ALK: variants seen among roughly 807,000 people sequenced by gnomAD.
ALK encodes ALK tyrosine kinase receptor.
ALK carries 74 observed loss-of-function variants against 163.1 expected under a neutral mutation model. The observed-to-expected ratio is 0.45, with a 90% confidence interval of 0.38 to 0.55. ALK has a LOEUF of 0.55. Ranked by LOEUF, ALK falls within the 20% of genes least tolerant of loss-of-function variation. ALK has a pLI of 0.00. For synonymous variants in ALK, 960 were observed against 843.2 expected (o/e 1.14, Z -2.40); for missense variants, 2,063 against 2,105.3 (o/e 0.98, Z 0.39).
chr2:29,540,144 G>A (rs4271729), intron 3 of ALK, among the ~76,000 whole-genome samples: 147,772 of 152,234 alleles, frequency 0.97, 71,895 homozygotes, highest in East Asian at 1. Flanking sequence ...ATTTAGATTG[G>A]CTTTATTGAG....
rs528398431 is a variant in ALK, at chr2:29,343,431, T to A, written c.1283-14950A>T. Among the ~76,000 whole-genome samples the A allele has an allele frequency of 9.1e-4, 137 of 151,248 alleles. 1 individual carries two copies. The highest frequency in any genetic ancestry group is 1.8e-3 in the Non-Finnish European group (121 of 67,844). ...GGTCTCCCTATTTTGCCCAGTCTGA[T>A]CTTGAACTCCTGGGCTCAAGCAATC... On this transcript the variant is annotated intron_variant, in intron 5 of 28. Coordinates refer to ENST00000389048, the MANE Select transcript of ALK (RefSeq NM_004304.5).
intron 16 of ALK, among the ~76,000 whole-genome samples, chr2:29,228,652 A>T (rs1408002034): frequency 6.6e-6 from 1 of 151,894 alleles, no homozygotes; most frequent in African/African-American, 2.4e-5. Flanking sequence ...GGACATCAAG[A>T]ATCACATGGG....
At chr2:29,582,510 C>T (rs980013744) in intron 3 of ALK, among the ~76,000 whole-genome samples, 1 of 152,210 alleles carries the variant, frequency 6.6e-6, no homozygotes, top group East Asian at 1.9e-4. Context: ...ATGTCCTGGA[C>T]ATTCTTACTT....
intron 4 of ALK, among the ~76,000 whole-genome samples, chr2:29,435,083 C>T (rs952648669): frequency 6.6e-6 from 1 of 152,106 alleles, no homozygotes; most frequent in Non-Finnish European, 1.5e-5. Flanking sequence ...GCCCTTGGGA[C>T]CTCTCAGTTT....
chr2:29,365,516 A>T (rs1194613181), intron 5 of ALK, among the ~76,000 whole-genome samples: 4 of 152,174 alleles, frequency 2.6e-5, no homozygotes, highest in Non-Finnish European at 1.5e-5. Flanking sequence ...TCTACAGATG[A>T]TGGGGACCTT....
intron 3 of ALK, among the ~76,000 whole-genome samples, chr2:29,673,941 T>C (rs897901110): frequency 4.8e-5 from 7 of 146,210 alleles, no homozygotes; most frequent in African/African-American, 1.8e-4. Context: ...TTTGAAGCAA[T>C]TGTGAATGGG....
intron 1 of ALK, among the ~76,000 whole-genome samples, chr2:29,905,560 A>G (rs187512272): frequency 1.3e-5 from 2 of 151,708 alleles, no homozygotes; most frequent in East Asian, 3.9e-4. Context: ...AGGGAAAAGG[A>G]AAGGGAAAGG....
chr2:29,892,885 C>T (rs1667180301), intron 1 of ALK, among the ~76,000 whole-genome samples: 1 of 152,100 alleles, frequency 6.6e-6, no homozygotes, highest in Admixed American at 6.5e-5. Flanking sequence ...ATCTAAGCAC[C>T]CACTAGTCCA....
rs560633380 is a variant in ALK at position 29,265,421 on chromosome 2, G to C, written c.2041+9678C>G. ...AATGGATTGGCTGGTAGACTGAATG[G>C]TCTAGTTAGTAGGATCACGATCATA... On this transcript the variant is annotated intron_variant, in intron 11 of 28. Transcript: ENST00000389048. 6.6e-5 allele frequency among the ~76,000 whole-genome samples: 10 copies of C among 152,284 alleles called. No individual in the cohort carries two copies. The East Asian group carries it at 1.5e-3, about 24-fold the overall frequency.
In ALK at chr2:29,920,907, T is replaced by G. The variant is rs1369721217; in HGVS notation, c.-248A>C. 1.8e-6 allele frequency: 1 copy of G among 545,426 alleles called. No individual in the cohort carries two copies. The highest frequency in any genetic ancestry group is 1.9e-5 in the African/African-American group (1 of 52,486). The allele number at this position is 545,426 out of a possible 1,614,324, so 33.8% of individuals were successfully genotyped here. On this transcript the variant is annotated 5_prime_UTR_variant, in exon 1 of 29. Coordinates refer to ENST00000389048, the MANE Select transcript of ALK (RefSeq NM_004304.5). The stretch of plus-strand genomic sequence containing the variant: ...AGACACTCAAGCACACTGGGCTCAC[T>G]GGCTGGGACCTTGAGCCTCCCGCTC...
chr2:29,859,785 GA>G (rs1666233264), intron 1 of ALK, among the ~76,000 whole-genome samples: 1 of 152,184 alleles, frequency 6.6e-6, no homozygotes, highest in Admixed American at 6.5e-5. Flanking sequence ...TGAGTTACTG[GA>G]AAGACTTCTT....
rs114188519 is a variant in ALK, at chr2:29,728,495, A to G, written c.668-10798T>C. ...GTGGAAGGCAGCAGACAGCCATCCA[A>G]CAACCTCTCAAGTCCTTTTGACATC... On this transcript the variant is annotated intron_variant, in intron 1 of 28. Transcript: ENST00000389048. Among the ~76,000 whole-genome samples the G allele has an allele frequency of 7.8e-3, 1,186 of 152,326 alleles. 16 individuals are homozygous for G. Among genetic ancestry groups the G allele is most frequent in the African/African-American group, 0.027 (1,141 of 41,576 alleles).
At chr2:29,339,433 C>G (rs953038668) in intron 5 of ALK, among the ~76,000 whole-genome samples, 7 of 152,054 alleles carry the variant, frequency 4.6e-5, no homozygotes, top group Admixed American at 1.3e-4. Context: ...CAGATGGTCA[C>G]AGAGGGTTAT....
chr2:29,545,819 G>T (rs1673537756), intron 3 of ALK, among the ~76,000 whole-genome samples: 1 of 152,168 alleles, frequency 6.6e-6, no homozygotes, highest in South Asian at 2.1e-4. Context: ...GAGAGAAGGG[G>T]AGTAGAGGGA....
intron 13 of ALK, among the ~76,000 whole-genome samples, chr2:29,236,783 T>C (rs1432990342): frequency 2.6e-5 from 4 of 152,180 alleles, no homozygotes; most frequent in Non-Finnish European, 1.5e-5. Flanking sequence ...TTAAGCTCGG[T>C]CTTCACATTC....
intron 3 of ALK, among the ~76,000 whole-genome samples, chr2:29,563,928 G>T (rs1674100224): frequency 6.6e-6 from 1 of 152,190 alleles, no homozygotes; most frequent in African/African-American, 2.4e-5. Flanking sequence ...TCCTGCTGAT[G>T]CCCAAACATT....
chr2:29,858,292 T>C (rs990878948), intron 1 of ALK, among the ~76,000 whole-genome samples: 2 of 152,122 alleles, frequency 1.3e-5, no homozygotes, highest in African/African-American at 4.8e-5. Context: ...GTTACATAAA[T>C]GGAACCGTAG....
intron 4 of ALK, among the ~76,000 whole-genome samples, chr2:29,445,857 T>C (rs1022274021): frequency 1.3e-5 from 2 of 150,738 alleles, no homozygotes; most frequent in East Asian, 2.0e-4. Context: ...CCCAGCACTT[T>C]GGGAGGCCGA....
At chr2:29,512,233 A>T (rs149685773) in intron 4 of ALK, among the ~76,000 whole-genome samples, 11,238 of 152,094 alleles carry the variant, frequency 0.074, 587 homozygotes, top group Non-Finnish European at 0.11. Flanking sequence ...ATGAACATTG[A>T]TGCAAAAATC....
Sources: allele counts gnomAD v4.1 joint callset (sites outside exome capture counted in the v4.1 genomes callset), GRCh38; gene constraint gnomAD v4.1.1; transcripts MANE v1.5; gene names NCBI Gene and HGNC (gene_info 2026-07-23, HGNC 2026-07-21).